ADCY2: variants seen among roughly 807,000 people sequenced by gnomAD.
ADCY2 encodes adenylate cyclase type 2.
In ADCY2, 31 loss-of-function variants were observed where a neutral mutation model predicts 125.2. That is an observed-to-expected ratio of 0.25 (90% CI 0.19 to 0.33). The LOEUF (loss-of-function observed/expected upper bound fraction) is 0.33, where lower values mean the gene tolerates loss of function less well. Among genes scored for constraint, ADCY2 ranks in the 10% least tolerant of loss-of-function variants. ADCY2 has a pLI of 1.00. For synonymous variants in ADCY2, 512 were observed against 548.4 expected, an observed-to-expected ratio of 0.93 and a Z score of 0.93; for missense variants, 904 against 1,418.2, an observed-to-expected ratio of 0.64 and a Z score of 5.82.
chr5:7,815,340 C>T (rs886097760), intron 22 of ADCY2, among the ~76,000 whole-genome samples: 2 of 152,106 alleles, frequency 1.3e-5, no homozygotes, highest in Non-Finnish European at 2.9e-5. Context: ...CACTGGCTTC[C>T]GTGCTAACAC....
rs537166905 is a variant in ADCY2, at chr5:7,444,833, T to C, written c.408+30063T>C. 2.6e-5 allele frequency among the ~76,000 whole-genome samples: 4 copies of C among 152,256 alleles called. No individual in the cohort carries two copies. In the East Asian group the frequency reaches 7.8e-4, roughly 30 times the overall value. On this transcript the variant is annotated intron_variant, in intron 2 of 24. Coordinates refer to ENST00000338316, the MANE Select transcript of ADCY2 (RefSeq NM_020546.3). ...AGAGAAACGACATCCCAAGGCAGAT[T>C]TGATTTGCATTTTGTTTGTTATAAG... is the stretch of plus-strand genomic sequence containing the variant.
At chr5:7,705,293 T>C (rs1741231187) in intron 7 of ADCY2, among the ~76,000 whole-genome samples, 1 of 152,226 alleles carries the variant, frequency 6.6e-6, no homozygotes, top group South Asian at 2.1e-4. Flanking sequence ...AACAATCCAC[T>C]TGGAGATTGT....
chr5:7,806,138 T>TA (rs555939691), intron 22 of ADCY2, among the ~76,000 whole-genome samples: 102 of 152,194 alleles, frequency 6.7e-4, no homozygotes, highest in African/African-American at 1.9e-3. Context: ...ATTAAAGTGT[T>TA]AAAAAAATTG....
At chr5:7,448,058 C>T (rs1197008669) in intron 2 of ADCY2, among the ~76,000 whole-genome samples, 2 of 152,154 alleles carry the variant, frequency 1.3e-5, no homozygotes, top group Admixed American at 6.5e-5. Flanking sequence ...TCTGAAGTTG[C>T]TCTGCTTACA....
intron 3 of ADCY2, among the ~76,000 whole-genome samples, chr5:7,623,321 G>T (rs1027094533): frequency 3.3e-5 from 5 of 152,200 alleles, no homozygotes; most frequent in Non-Finnish European, 7.3e-5. Flanking sequence ...TAAGGAAGGA[G>T]TTAGTATTTT....
chr5:7,608,946 C>T (rs1737480082), intron 3 of ADCY2, among the ~76,000 whole-genome samples: 1 of 152,184 alleles, frequency 6.6e-6, no homozygotes, highest in Non-Finnish European at 1.5e-5. Flanking sequence ...AAGAGACAGG[C>T]CTTTCTCCAT....
intron 14 of ADCY2, among the ~76,000 whole-genome samples, chr5:7,729,907 T>C (rs202028855): frequency 6.6e-6 from 1 of 151,494 alleles, no homozygotes; most frequent in Non-Finnish European, 1.5e-5. Flanking sequence ...TCAATATCTT[T>C]TGGGATAGAA....
chr5:7,640,272 G>C (rs1561139689), intron 4 of ADCY2, among the ~76,000 whole-genome samples: 1 of 152,110 alleles, frequency 6.6e-6, no homozygotes, highest in Non-Finnish European at 1.5e-5. Context: ...CAAGGAGTGG[G>C]TCAGTAAAAA....
chr5:7,446,520 A>C lies in ADCY2; in HGVS notation c.408+31750A>C, dbSNP rs75694339. ...AGACCAGCCTGGGCCACAGAGCAAGACCTTGTCTCTGAAATAAATACATAC... is the reference window on the plus strand; with the variant it reads ...AGACCAGCCTGGGCCACAGAGCAAGCCCTTGTCTCTGAAATAAATACATAC... On this transcript the variant is annotated intron_variant, in intron 2 of 24. Coordinates refer to ENST00000338316, the MANE Select transcript of ADCY2 (RefSeq NM_020546.3). 3.5e-3 allele frequency among the ~76,000 whole-genome samples: 527 copies of C among 152,064 alleles called. 3 individuals carry two copies. The highest frequency in any genetic ancestry group is 0.012 in the African/African-American group (513 of 41,404).
At chr5:7,672,469 T>G (rs1739968294) in intron 4 of ADCY2, among the ~76,000 whole-genome samples, 1 of 152,070 alleles carries the variant, frequency 6.6e-6, no homozygotes. Context: ...GTGGCCTGAG[T>G]ACTAAGAATG....
chr5:7,790,384 T>A (rs1455975570), intron 20 of ADCY2, among the ~76,000 whole-genome samples: 1 of 152,230 alleles, frequency 6.6e-6, no homozygotes, highest in East Asian at 1.9e-4. Context: ...AATGGGAATT[T>A]CATGGAGTGT....
At chr5:7,508,554 G>A (rs1743933486) in intron 2 of ADCY2, among the ~76,000 whole-genome samples, 1 of 152,040 alleles carries the variant, frequency 6.6e-6, no homozygotes, top group Admixed American at 6.5e-5. Context: ...GCTCCAAGAG[G>A]GCTGGCAAAA....
At chr5:7,453,518 GA>G (rs148232341) in intron 2 of ADCY2, among the ~76,000 whole-genome samples, 2,805 of 152,234 alleles carry the variant, frequency 0.018, 85 homozygotes, top group African/African-American at 0.064. Context: ...TCAGAAGAAA[GA>G]ATTCGACTTA....
chr5:7,720,967 G>A (rs918478588), intron 12 of ADCY2, among the ~76,000 whole-genome samples: 10 of 152,160 alleles, frequency 6.6e-5, no homozygotes, highest in South Asian at 2.1e-4. Flanking sequence ...TTGAGGAATC[G>A]CCACACTGTC....
chr5:7,679,894 G>C (rs577956332), intron 4 of ADCY2, among the ~76,000 whole-genome samples: 1 of 152,128 alleles, frequency 6.6e-6, no homozygotes, highest in African/African-American at 2.4e-5. Flanking sequence ...CCAGAATAGA[G>C]ATATGTCACT....
chr5:7,497,062 G>A (rs963983106), intron 2 of ADCY2, among the ~76,000 whole-genome samples: 28 of 152,244 alleles, frequency 1.8e-4, no homozygotes, highest in Middle Eastern at 3.4e-3. Context: ...AATGCCATAA[G>A]AGAAGCTATC....
At chr5:7,531,406 ACCACCCC>A (rs1734635336) in intron 3 of ADCY2, among the ~76,000 whole-genome samples, 1 of 152,126 alleles carries the variant, frequency 6.6e-6, no homozygotes, top group Admixed American at 6.5e-5. Context: ...AATCTCTTCG[ACCACCCC>A]CCAGATGAGA....
intron 3 of ADCY2, among the ~76,000 whole-genome samples, chr5:7,540,067 A>T (rs1359234538): frequency 6.6e-6 from 1 of 152,204 alleles, no homozygotes; most frequent in Non-Finnish European, 1.5e-5. Context: ...TCCTTAGCAA[A>T]CTAATGCAGG....
chr5:7,711,512 G>T (rs765112712), intron 10 of ADCY2, among the ~76,000 whole-genome samples: 1 of 152,046 alleles, frequency 6.6e-6, no homozygotes, highest in East Asian at 1.9e-4. Context: ...GTGTTCCTGT[G>T]GGGAAAAGGC....
Sources: gnomAD v4.1 joint callset for allele counts (sites outside exome capture counted in the v4.1 genomes callset) on GRCh38, gnomAD v4.1.1 for gene constraint, MANE v1.5 for transcripts, NCBI Gene and HGNC (gene_info 2026-07-23, HGNC 2026-07-21) for gene names.